DPP6: variants seen among roughly 807,000 people sequenced by gnomAD.
The protein encoded by DPP6 is dipeptidyl peptidase like 6, also known as A-type potassium channel modulatory protein DPP6.
In DPP6, 69 loss-of-function variants were observed where a neutral mutation model predicts 122.6. The ratio of observed to expected loss-of-function variants is 0.56; its 90% CI spans 0.46 to 0.69. The LOEUF (loss-of-function observed/expected upper bound fraction) is 0.69, where lower values mean the gene tolerates loss of function less well. Among genes scored for constraint, DPP6 ranks in the 30% least tolerant of loss-of-function variants. The pLI is 0.00. For missense variants in DPP6, 928 were observed against 1,116.9 expected, an observed-to-expected ratio of 0.83 and a Z score of 2.41; for synonymous variants, 418 against 433.1, an observed-to-expected ratio of 0.97 and a Z score of 0.43.
chr7:153,912,287 A>G (rs1469621402), intron 1 of DPP6, among the ~76,000 whole-genome samples: 2 of 152,218 alleles, frequency 1.3e-5, no homozygotes, highest in East Asian at 3.8e-4. Flanking sequence ...ACACTCAAAT[A>G]AAACGAACTG....
intron 5 of DPP6, among the ~76,000 whole-genome samples, chr7:154,627,362 A>AT (rs933069207): frequency 1.1e-4 from 17 of 149,108 alleles, no homozygotes; most frequent in Admixed American, 2.0e-4. Flanking sequence ...TGTCCAGCTA[A>AT]TTTTTTTTTG....
intron 1 of DPP6, chr7:154,058,519 A>C (rs866768634): frequency 7.8e-6 from 1 of 128,442 alleles, no homozygotes; most frequent in Admixed American, 7.7e-5. Context: ...CTGAGAGCCA[A>C]CCCCTGGTTC....
intron 1 of DPP6, among the ~76,000 whole-genome samples, chr7:154,394,535 G>A (rs1273317709): frequency 6.6e-6 from 1 of 151,860 alleles, no homozygotes; most frequent in Non-Finnish European, 1.5e-5. Context: ...TCTCCTGTGG[G>A]TTGCCTTTTT....
At chr7:154,849,865 A>G (rs1050851754) in intron 16 of DPP6, among the ~76,000 whole-genome samples, 3 of 152,204 alleles carry the variant, frequency 2.0e-5, no homozygotes, top group African/African-American at 7.2e-5. Context: ...GACAGCTTTT[A>G]TCATGAAAGG....
intron 1 of DPP6, among the ~76,000 whole-genome samples, chr7:153,989,356 G>A (rs1411939803): frequency 7.8e-4 from 118 of 151,194 alleles, no homozygotes; most frequent in African/African-American, 2.6e-3. Context: ...TGTGAGTGTG[G>A]GGGAGTGAGT....
chr7:154,320,924 A>G (rs1236636111), intron 1 of DPP6, among the ~76,000 whole-genome samples: 1 of 152,220 alleles, frequency 6.6e-6, no homozygotes, highest in Non-Finnish European at 1.5e-5. Context: ...ATAAATATGT[A>G]CTGAGCATCT....
intron 1 of DPP6, among the ~76,000 whole-genome samples, chr7:154,020,407 G>A (rs1798641506): frequency 6.6e-6 from 1 of 151,248 alleles, no homozygotes; most frequent in African/African-American, 2.4e-5. Context: ...TTGAGCTTTT[G>A]TAGATCAGCG....
At chr7:154,676,794 T>C (rs1173828206) in intron 7 of DPP6, among the ~76,000 whole-genome samples, 1 of 152,236 alleles carries the variant, frequency 6.6e-6, no homozygotes, top group African/African-American at 2.4e-5. Context: ...TTTAAGCATT[T>C]TGAGGCAGGA....
At position 154,663,926 on chromosome 7, in the gene DPP6, T is replaced by C. The variant is rs1311756270; in HGVS notation, c.681-5434T>C. Among the ~76,000 whole-genome samples, 5 of 102,650 alleles carry C rather than the reference T, an allele frequency of 4.9e-5. 2 individuals carry two copies. Among genetic ancestry groups the C allele is most frequent in the Non-Finnish European group, 1.2e-4 (5 of 41,300 alleles). The allele number at this position is 102,650 out of a possible 152,430, so 67.3% of individuals were successfully genotyped here. A position where few individuals can be genotyped will look rare whatever the true frequency, so the allele number is the denominator to read the frequency against. On this transcript the variant is annotated intron_variant, in intron 6 of 25. Coordinates refer to ENST00000377770, the MANE Select transcript of DPP6 (RefSeq NM_130797.4). ...AATCACCATGGCGTATTGGCCATAG[T>C]GTTCATGTAGTCAAGATGAATCACC... is the stretch of plus-strand genomic sequence containing the variant.
chr7:154,225,672 A>C (rs1035758216), intron 1 of DPP6, among the ~76,000 whole-genome samples: 2 of 152,180 alleles, frequency 1.3e-5, no homozygotes, highest in African/African-American at 4.8e-5. Context: ...ACACTTGTGT[A>C]GGGAATGTTT....
At chr7:154,516,979 T>G (rs1295135433) in intron 3 of DPP6, among the ~76,000 whole-genome samples, 1 of 152,242 alleles carries the variant, frequency 6.6e-6, no homozygotes, top group Non-Finnish European at 1.5e-5. Flanking sequence ...CTGTTATCTT[T>G]TTTTATTTTG....
At chr7:154,628,651 A>G (rs1835228472) in intron 5 of DPP6, among the ~76,000 whole-genome samples, 1 of 152,124 alleles carries the variant, frequency 6.6e-6, no homozygotes, top group African/African-American at 2.4e-5. Context: ...GAGCTCGTTT[A>G]TTTTAACTAT....
intron 1 of DPP6, among the ~76,000 whole-genome samples, chr7:154,074,043 G>GTATGTATGTATC (rs1554453882): frequency 1.3e-5 from 2 of 148,306 alleles, no homozygotes; most frequent in African/African-American, 2.5e-5. Flanking sequence ...ATGTATGTAA[G>GTATGTATGTATC]TATCTATCTA....
chr7:153,855,161 C>T, the DPP6 span, among the ~76,000 whole-genome samples: 170 of 148,240 alleles, frequency 1.1e-3, no homozygotes, highest in African/African-American at 3.6e-3. Context: ...GTGGGTGCAG[C>T]GCACCAGCAT....
At chr7:154,434,345 G>C (rs920092453) in intron 1 of DPP6, among the ~76,000 whole-genome samples, 4 of 152,176 alleles carry the variant, frequency 2.6e-5, no homozygotes, top group Non-Finnish European at 5.9e-5. Flanking sequence ...CAGAGTTATA[G>C]TTTCCACACA....
intron 1 of DPP6, among the ~76,000 whole-genome samples, chr7:154,302,876 C>T (rs1806001815): frequency 6.6e-6 from 1 of 152,176 alleles, no homozygotes; most frequent in Non-Finnish European, 1.5e-5. Context: ...CTGGATATCA[C>T]CCCTGGGTCA....
intron 1 of DPP6, chr7:154,305,271 C>A: frequency 7.7e-7 from 1 of 1,301,540 alleles, no homozygotes. Flanking sequence ...CACTAAGCAG[C>A]GGCAGCTTCC....
chr7:154,865,752 T>G (rs2150616432), intron 17 of DPP6, among the ~76,000 whole-genome samples: 1 of 152,290 alleles, frequency 6.6e-6, no homozygotes, highest in Middle Eastern at 3.4e-3. Flanking sequence ...TGCAGCTTCC[T>G]GAGACACTCA....
At chr7:154,477,647 C>T (rs1467110210) in intron 3 of DPP6, among the ~76,000 whole-genome samples, 2 of 152,180 alleles carry the variant, frequency 1.3e-5, no homozygotes, top group Non-Finnish European at 2.9e-5. Flanking sequence ...TGAATGGAGT[C>T]TGCCCAGAGA....
Sources: gnomAD v4.1 joint callset for allele counts (sites outside exome capture counted in the v4.1 genomes callset) on GRCh38, gnomAD v4.1.1 for gene constraint, MANE v1.5 for transcripts, NCBI Gene and HGNC (gene_info 2026-07-23, HGNC 2026-07-21) for gene names.